The following MICAL2 variants were observed in gnomAD, a reference collection of about 807,000 sequenced individuals.
MICAL2 encodes the protein microtubule associated monooxygenase, calponin and LIM domain containing 2.
In MICAL2, 77 loss-of-function variants were observed where a neutral mutation model predicts 127.3. That is an observed-to-expected ratio of 0.60 (90% CI 0.50 to 0.73). MICAL2 has a LOEUF of 0.73. Ranked by LOEUF, MICAL2 falls within the 30% of genes least tolerant of loss-of-function variation. The pLI is 0.00. For missense variants in MICAL2, 1,351 were observed against 1,434.4 expected (o/e 0.94, Z 0.94); for synonymous variants, 570 against 551.1 (o/e 1.03, Z -0.48).
In MICAL2 at chr11:12,219,508, A is replaced by G. The variant is rs114981481; in HGVS notation, c.949-693A>G. Among the ~76,000 whole-genome samples, 314 of 138,476 alleles carry G rather than the reference A, an allele frequency of 2.3e-3. 2 individuals carry two copies. The highest frequency in any genetic ancestry group is 8.0e-3 in the African/African-American group (294 of 36,602). The allele number at this position is 138,476 out of a possible 152,430, so 90.8% of individuals were successfully genotyped here. On this transcript the variant is annotated intron_variant, in intron 8 of 27. Coordinates refer to ENST00000683283, the MANE Select transcript of MICAL2 (RefSeq NM_001282663.2). ...ACACCATTGCTCTCTAACCTGGGAG[A>G]CAAGAGCGAAACTCCATCTCAAAAA... is the stretch of plus-strand genomic sequence containing the variant.
chr11:12,357,704 G>A (rs1006927998), intron 34 of MICAL2, among the ~76,000 whole-genome samples: 3 of 152,096 alleles, frequency 2.0e-5, no homozygotes, highest in African/African-American at 7.2e-5. Context: ...CAGGCGTGGT[G>A]GGAGACACCT....
chr11:12,291,177 G>T (rs1429048058), downstream of MICAL2, among the ~76,000 whole-genome samples: 1 of 152,174 alleles, frequency 6.6e-6, no homozygotes, highest in Non-Finnish European at 1.5e-5. Flanking sequence ...GGTTGGGCTG[G>T]GGGTAGGTAC....
intron 29 of MICAL2, among the ~76,000 whole-genome samples, chr11:12,309,005 A>G (rs4441002): frequency 0.18 from 27,240 of 152,200 alleles, 2,762 homozygotes; most frequent in East Asian, 0.42. Context: ...ACTTTAGTCA[A>G]CATGTGCTAA....
chr11:12,162,596 G>A (rs1854952721), intron 3 of MICAL2, among the ~76,000 whole-genome samples, 177 bp downstream of exon 3: 1 of 152,214 alleles, frequency 6.6e-6, no homozygotes, highest in South Asian at 2.1e-4. Flanking sequence ...TCCTGGCTGG[G>A]AGGTTCCCTC....
At chr11:12,292,251 C>T (rs751176379), downstream of MICAL2, 59 of 1,614,182 alleles carry the variant, frequency 3.7e-5, 3 homozygotes, top group Middle Eastern at 4.0e-3. Flanking sequence ...TCTTCTTCTT[C>T]AACCAGTGTT....
intron 22 of MICAL2, among the ~76,000 whole-genome samples, chr11:12,251,577 T>TAA (rs536942703): frequency 1.1e-3 from 100 of 93,836 alleles, no homozygotes; most frequent in African/African-American, 3.9e-3. Context: ...CATTTCACTT[T>TAA]AAAAAAAAAA....
chr11:12,260,179 T>C (rs1434249968), intron 26 of MICAL2: 1 of 1,496,306 alleles, frequency 6.7e-7, no homozygotes, highest in Non-Finnish European at 8.9e-7. Flanking sequence ...CTGACATGGC[T>C]GGCTGCCCCA....
upstream of MICAL2, among the ~76,000 whole-genome samples, chr11:12,272,793 C>T (rs1863687222): frequency 6.6e-6 from 1 of 152,112 alleles, no homozygotes; most frequent in South Asian, 2.1e-4. Context: ...ATCAGGGACC[C>T]TGACTGAAGG....
intron 1 of MICAL2, among the ~76,000 whole-genome samples, chr11:12,114,510 C>G (rs958437933): frequency 3.9e-5 from 6 of 152,210 alleles, no homozygotes; most frequent in Non-Finnish European, 8.8e-5. Flanking sequence ...AGCCATTACC[C>G]TCTGTGTTAA....
intron 3 of MICAL2, among the ~76,000 whole-genome samples, chr11:12,174,134 T>G (rs1303014841): frequency 4.0e-5 from 6 of 150,064 alleles, no homozygotes; most frequent in African/African-American, 1.2e-4. Flanking sequence ...CAGTCATAAT[T>G]AAAACTTTTC....
At chr11:12,213,977 A>T in intron 7 of MICAL2, among the ~76,000 whole-genome samples, 1 of 152,192 alleles carries the variant, frequency 6.6e-6, no homozygotes, top group East Asian at 1.9e-4. Flanking sequence ...GGAGGTATTG[A>T]TTCATTCACT....
intron 2 of MICAL2, among the ~76,000 whole-genome samples, chr11:12,283,303 G>C (rs1460401556): frequency 7.0e-6 from 1 of 143,536 alleles, no homozygotes; most frequent in Non-Finnish European, 1.5e-5. Flanking sequence ...ACAAGACCAG[G>C]ATATTGCTTT....
Position 12,328,055 on chromosome 11 carries a change from T to C in MICAL2, c.5515+789T>C, listed in dbSNP as rs942289641. ...TATAAGGATTAAAGAAGAAATTATATTTGATGCTTAAGTTAACACATTGCC... is the reference window on the plus strand; with the variant it reads ...TATAAGGATTAAAGAAGAAATTATACTTGATGCTTAAGTTAACACATTGCC... On this transcript the variant is annotated intron_variant, in intron 32 of 34. Transcript: ENST00000646065. Among the ~76,000 whole-genome samples the C allele has an allele frequency of 2.6e-5, 4 of 152,242 alleles. No homozygotes were observed. The East Asian group carries it at 5.8e-4, about 22-fold the overall frequency.
chr11:12,324,799 T>C (rs552652277), intron 31 of MICAL2, among the ~76,000 whole-genome samples: 80 of 152,324 alleles, frequency 5.3e-4, no homozygotes, highest in Non-Finnish European at 1.1e-3. Flanking sequence ...CGTCATTCAA[T>C]CCACCCTCCT....
downstream of MICAL2, chr11:12,359,124 G>A: frequency 6.6e-6 from 1 of 152,472 alleles, no homozygotes; most frequent in East Asian, 1.9e-4. Context: ...TAGAACATTT[G>A]AGCCTTAATT....
At position 12,175,973 on chromosome 11, in the gene MICAL2, G is replaced by A. The variant is rs528200465; in HGVS notation, c.264+13554G>A. Among the ~76,000 whole-genome samples the A allele has an allele frequency of 3.9e-5, 6 of 152,310 alleles. No individual in the cohort carries two copies. In the East Asian group the frequency reaches 1.2e-3, roughly 29 times the overall value. On this transcript the variant is annotated intron_variant, in intron 3 of 27. Coordinates refer to ENST00000683283, the MANE Select transcript of MICAL2 (RefSeq NM_001282663.2). The stretch of plus-strand genomic sequence containing the variant: ...CTCTGCATGAGATGCAAAGCCACAG[G>A]AGGCTTTGAGTGGAAAGTGACATGA...
intron 17 of MICAL2, among the ~76,000 whole-genome samples, chr11:12,240,063 G>A (rs1859661089): frequency 6.6e-6 from 1 of 152,356 alleles, no homozygotes; most frequent in East Asian, 1.9e-4. Flanking sequence ...AAAGTCCACA[G>A]TGAGAAGATC....
At chr11:12,241,189 T>C in intron 18 of MICAL2, 27 bp downstream of exon 18, 1 of 1,606,198 alleles carries the variant, frequency 6.2e-7, no homozygotes. Flanking sequence ...TGGATGCTGT[T>C]TTGGTGAAGC....
chr11:12,117,519 C>T (rs1412621061), intron 1 of MICAL2, among the ~76,000 whole-genome samples: 3 of 152,218 alleles, frequency 2.0e-5, no homozygotes, highest in Admixed American at 6.5e-5. Flanking sequence ...TGAAGCTTTG[C>T]AGGATCTCAG....
Sources: allele counts gnomAD v4.1 joint callset (sites outside exome capture counted in the v4.1 genomes callset), GRCh38; gene constraint gnomAD v4.1.1; transcripts MANE v1.5; gene names NCBI Gene and HGNC (gene_info 2026-07-23, HGNC 2026-07-21).